CNTN5: variants seen among roughly 807,000 people sequenced by gnomAD.
CNTN5 encodes contactin 5.
In CNTN5, 77 loss-of-function variants were observed where a neutral mutation model predicts 129.1. The ratio of observed to expected loss-of-function variants is 0.60; its 90% CI spans 0.50 to 0.72. The LOEUF (loss-of-function observed/expected upper bound fraction) is 0.72. CNTN5 is among the 30% of genes least tolerant of loss of function. The probability of loss-of-function intolerance (pLI) is 0.00; values close to 1 mark genes in which losing one functional copy is unlikely to be tolerated. For missense variants in CNTN5, 1,478 were observed against 1,328.8 expected, an observed-to-expected ratio of 1.11 and a Z score of -1.75; for synonymous variants, 509 against 465.6, an observed-to-expected ratio of 1.09 and a Z score of -1.20.
intron 2 of CNTN5, among the ~76,000 whole-genome samples, chr11:99,488,561 C>T (rs1397834018): frequency 6.6e-6 from 1 of 152,092 alleles, no homozygotes; most frequent in Non-Finnish European, 1.5e-5. Context: ...GGTCTTCAAC[C>T]AAGAATCTTG....
At chr11:100,230,477 AT>A (rs1438746729) in intron 16 of CNTN5, among the ~76,000 whole-genome samples, 1 of 152,178 alleles carries the variant, frequency 6.6e-6, no homozygotes, top group East Asian at 1.9e-4. Context: ...AAAAAGTAAC[AT>A]TTTTTTGTCA....
At chr11:99,059,091 C>T (rs1281673182) in intron 1 of CNTN5, among the ~76,000 whole-genome samples, 1 of 143,876 alleles carries the variant, frequency 7.0e-6, no homozygotes, top group Non-Finnish European at 1.5e-5. Context: ...CCCCACCTCT[C>T]TCCCTCCTTT....
chr11:99,674,021 A>T (rs1432238575), intron 3 of CNTN5, among the ~76,000 whole-genome samples: 1 of 152,140 alleles, frequency 6.6e-6, no homozygotes, highest in Non-Finnish European at 1.5e-5. Flanking sequence ...TAGGTCTTTG[A>T]GGAATCCCCA....
intron 9 of CNTN5, among the ~76,000 whole-genome samples, chr11:100,013,262 A>G (rs1279279767): frequency 6.6e-6 from 1 of 152,160 alleles, no homozygotes; most frequent in Non-Finnish European, 1.5e-5. Flanking sequence ...GTTAATGATT[A>G]CACTAAAAGC....
At chr11:100,281,173 A>C (rs906443118) in intron 18 of CNTN5, among the ~76,000 whole-genome samples, 1 of 152,204 alleles carries the variant, frequency 6.6e-6, no homozygotes, top group Admixed American at 6.5e-5. Context: ...TGTACTTACT[A>C]TTACCAATGA....
intron 3 of CNTN5, among the ~76,000 whole-genome samples, chr11:99,675,447 C>T (rs1334918522): frequency 6.6e-6 from 1 of 152,064 alleles, no homozygotes; most frequent in East Asian, 1.9e-4. Context: ...CTTTGGGAGG[C>T]CGAGGAGGGC....
intron 6 of CNTN5, 102 bp downstream of exon 6, chr11:99,845,364 A>ATATTTTTTTTTTTTTTTTTTTTTTTT: frequency 4.2e-6 from 1 of 239,348 alleles, no homozygotes; most frequent in South Asian, 1.4e-4. Context: ...AAGATCTCAA[A>ATATTTTTTTTTTTTTTTTTTTTTTTT]TCTTTTTTTT....
At chr11:99,080,686 T>A (rs1356032557) in intron 1 of CNTN5, among the ~76,000 whole-genome samples, 1 of 152,272 alleles carries the variant, frequency 6.6e-6, no homozygotes, top group Admixed American at 6.5e-5. Flanking sequence ...TATCATTTGC[T>A]CCTACATCAC....
chr11:100,055,227 C>T (rs1270318014), intron 9 of CNTN5, among the ~76,000 whole-genome samples: 1 of 151,514 alleles, frequency 6.6e-6, no homozygotes, highest in East Asian at 1.9e-4. Context: ...TCATCGATAT[C>T]TTAACCATCT....
chr11:100,046,504 A>G (rs917934183), intron 9 of CNTN5, among the ~76,000 whole-genome samples: 9 of 152,152 alleles, frequency 5.9e-5, no homozygotes, highest in African/African-American at 1.7e-4. Flanking sequence ...CTAAGATTGC[A>G]TTATGACATA....
intron 3 of CNTN5, among the ~76,000 whole-genome samples, chr11:99,780,808 G>T (rs993250726): frequency 6.6e-6 from 1 of 152,044 alleles, no homozygotes; most frequent in Non-Finnish European, 1.5e-5. Flanking sequence ...GTGCCACACT[G>T]TCAATAAATG....
intron 2 of CNTN5, among the ~76,000 whole-genome samples, chr11:99,490,011 TATTCACCCCTAGA>T (rs1473447046): frequency 1.3e-5 from 2 of 152,204 alleles, no homozygotes; most frequent in Non-Finnish European, 2.9e-5. Context: ...TATCTGGACA[TATTCACCCCTAGA>T]ATTCAGACAC....
At chr11:99,944,321 A>T (rs996473444) in intron 7 of CNTN5, among the ~76,000 whole-genome samples, 1 of 152,070 alleles carries the variant, frequency 6.6e-6, no homozygotes, top group African/African-American at 2.4e-5. Flanking sequence ...AGAAATAACT[A>T]AGATCAGAGC....
chr11:100,295,067 C>CT (rs1043416117), intron 18 of CNTN5, among the ~76,000 whole-genome samples: 5 of 151,512 alleles, frequency 3.3e-5, no homozygotes, highest in Admixed American at 6.6e-5. Context: ...ATCTAGTAAA[C>CT]TTTTTTTAAA....
rs369571827 is a variant in CNTN5 at position 99,127,531 on chromosome 11, C to A, written c.-210+106261C>A. Among the ~76,000 whole-genome samples the A allele has an allele frequency of 7.1e-4, 108 of 152,310 alleles. 1 individual carries two copies. Among genetic ancestry groups the A allele is most frequent in the African/African-American group, 2.5e-3 (103 of 41,574 alleles). On this transcript the variant is annotated intron_variant, in intron 1 of 24. Transcript: ENST00000524871. ...CCACTGCCACTAGGGTCAGTGCTAACTCCATTGCATAAGACAGTCCTCTTC... is the reference window on the plus strand; with the variant it reads ...CCACTGCCACTAGGGTCAGTGCTAAATCCATTGCATAAGACAGTCCTCTTC...
intron 2 of CNTN5, among the ~76,000 whole-genome samples, chr11:99,449,266 C>T (rs185962991): frequency 4.1e-4 from 62 of 152,196 alleles, no homozygotes; most frequent in African/African-American, 1.3e-3. Context: ...ACAGAAAGTT[C>T]ATGGATAATG....
Position 100,145,435 on chromosome 11 carries a change from T to A in CNTN5, c.1581-45691T>A, listed in dbSNP as rs998712740. Among the ~76,000 whole-genome samples the A allele has an allele frequency of 7.9e-5, 12 of 152,246 alleles. No homozygotes were observed. In the East Asian group the frequency reaches 1.7e-3, roughly 22 times the overall value. Reference sequence around the variant, plus strand: ...CTCTGCAAATGATGATGCGTTTAAATTTCTGATGAGTGACTCTTACGTAGG... The same window carrying A: ...CTCTGCAAATGATGATGCGTTTAAAATTCTGATGAGTGACTCTTACGTAGG... On this transcript the variant is annotated intron_variant, in intron 13 of 24. Coordinates refer to ENST00000524871, the MANE Select transcript of CNTN5 (RefSeq NM_014361.4).
chr11:100,104,449 G>T (rs1489737611), intron 13 of CNTN5, among the ~76,000 whole-genome samples: 1 of 151,386 alleles, frequency 6.6e-6, no homozygotes, highest in Non-Finnish European at 1.5e-5. Flanking sequence ...TAAGCAGCAA[G>T]TTCTAGAAAA....
chr11:99,206,931 T>C (rs758468340), intron 1 of CNTN5, among the ~76,000 whole-genome samples: 1 of 152,126 alleles, frequency 6.6e-6, no homozygotes, highest in Non-Finnish European at 1.5e-5. Flanking sequence ...GTTTATTATT[T>C]CATCAATAAT....
Sources: allele counts gnomAD v4.1 joint callset (sites outside exome capture counted in the v4.1 genomes callset), GRCh38; gene constraint gnomAD v4.1.1; transcripts MANE v1.5; gene names NCBI Gene and HGNC (gene_info 2026-07-23, HGNC 2026-07-21).